The following SCAPER variants were observed in gnomAD, a reference collection of about 807,000 sequenced individuals.
SCAPER encodes the protein S-phase cyclin A associated protein in the ER, also known as S phase cyclin A-associated protein in the endoplasmic reticulum.
Under a neutral mutation model 182.2 loss-of-function variants are expected in SCAPER, and 98 were observed. The ratio of observed to expected loss-of-function variants is 0.54; its 90% confidence interval spans 0.46 to 0.64. SCAPER has a LOEUF of 0.64. Among genes scored for constraint, SCAPER ranks in the 30% least tolerant of loss-of-function variants. SCAPER has a pLI of 0.00. For missense variants in SCAPER, 1,432 were observed against 1,690.0 expected (o/e 0.85, Z 2.68); for synonymous variants, 605 against 564.6 (o/e 1.07, Z -1.01).
intron 5 of SCAPER, among the ~76,000 whole-genome samples, chr15:76,822,256 G>C (rs375494484): frequency 1.3e-5 from 2 of 152,126 alleles, no homozygotes; most frequent in African/African-American, 4.8e-5. Context: ...ATGCATGTAT[G>C]GGGGCAGGGG....
chr15:76,893,501 T>C (rs1361648628), intron 1 of SCAPER, among the ~76,000 whole-genome samples: 1 of 151,462 alleles, frequency 6.6e-6, no homozygotes, highest in Non-Finnish European at 1.5e-5. Context: ...CAACAAGGGA[T>C]AGATCATCCA....
intron 28 of SCAPER, 165 bp downstream of exon 28, chr15:76,381,213 C>T (rs775209618): frequency 2.4e-5 from 9 of 379,574 alleles, no homozygotes; most frequent in Non-Finnish European, 3.6e-5. Flanking sequence ...GCATCTAATA[C>T]AGTTCCCAGA....
At chr15:76,497,085 C>A (rs2143583583) in intron 24 of SCAPER, among the ~76,000 whole-genome samples, 1 of 133,658 alleles carries the variant, frequency 7.5e-6, no homozygotes, top group South Asian at 2.7e-4. Flanking sequence ...CCCCTTCTGT[C>A]CCATGAAGCA....
intron 21 of SCAPER, among the ~76,000 whole-genome samples, chr15:76,638,619 A>C (rs1455923952): frequency 1.3e-5 from 2 of 152,202 alleles, no homozygotes; most frequent in African/African-American, 4.8e-5. Context: ...ATTTTTCTTC[A>C]TAAATATTTT....
chr15:76,619,351 T>C (rs2051801814), intron 22 of SCAPER, among the ~76,000 whole-genome samples: 1 of 152,228 alleles, frequency 6.6e-6, no homozygotes, highest in Non-Finnish European at 1.5e-5. Context: ...ATTTGAGTTA[T>C]TTCCAGTTTG....
chr15:76,816,990 G>C (rs1483325051), intron 5 of SCAPER, among the ~76,000 whole-genome samples: 3 of 152,152 alleles, frequency 2.0e-5, no homozygotes, highest in African/African-American at 7.2e-5. Flanking sequence ...ATCAAGTACT[G>C]TGTACTGTAC....
chr15:76,720,437 T>A (rs947483475), intron 17 of SCAPER, among the ~76,000 whole-genome samples: 6 of 152,246 alleles, frequency 3.9e-5, no homozygotes, highest in African/African-American at 1.4e-4. Flanking sequence ...CCTTTGGGTA[T>A]ATACCCAGTA....
intron 25 of SCAPER, among the ~76,000 whole-genome samples, chr15:76,451,955 C>A (rs1192114383): frequency 6.6e-6 from 1 of 152,152 alleles, no homozygotes. Context: ...CTAATTTCTA[C>A]ACATACCCCC....
At chr15:76,549,686 T>C (rs1451424254) in intron 23 of SCAPER, among the ~76,000 whole-genome samples, 1 of 152,026 alleles carries the variant, frequency 6.6e-6, no homozygotes, top group Non-Finnish European at 1.5e-5. Flanking sequence ...ACATGGCACA[T>C]GTATGCATAC....
intron 1 of SCAPER, among the ~76,000 whole-genome samples, chr15:76,893,136 T>C (rs1337026333): frequency 6.6e-6 from 1 of 152,074 alleles, no homozygotes; most frequent in Non-Finnish European, 1.5e-5. Flanking sequence ...TGAGAACACT[T>C]GGACACAGGG....
chr15:76,756,690 T>C (rs2062455358), intron 14 of SCAPER, among the ~76,000 whole-genome samples: 1 of 152,220 alleles, frequency 6.6e-6, no homozygotes, highest in African/African-American at 2.4e-5. Flanking sequence ...TCATTTATAA[T>C]ACAGCATAGA....
At chr15:76,817,471 T>C (rs917744877) in intron 5 of SCAPER, among the ~76,000 whole-genome samples, 4 of 152,210 alleles carry the variant, frequency 2.6e-5, no homozygotes, top group Middle Eastern at 3.4e-3. Flanking sequence ...TCTAATTACG[T>C]AGGATGAACA....
At chr15:76,592,182 T>C (rs62030416) in intron 22 of SCAPER, among the ~76,000 whole-genome samples, 10,195 of 151,938 alleles carry the variant, frequency 0.067, 386 homozygotes, top group Middle Eastern at 0.11. Flanking sequence ...CATATAGGTA[T>C]ATAAAAATAG....
chr15:76,762,022 T>C (rs1271936962), intron 14 of SCAPER, among the ~76,000 whole-genome samples: 1 of 152,218 alleles, frequency 6.6e-6, no homozygotes, highest in African/African-American at 2.4e-5. Flanking sequence ...TCTTTTATCA[T>C]TATTTAATGG....
rs1272878026 is a variant in SCAPER at position 76,389,830 on chromosome 15, A to AG, written c.3468-8216_3468-8215insC. ...GACTCCGTCTCAAAAAAAAAAAAAA[A>AG]AAGAAGAAAAAGAACAGTAAAAATA... On this transcript the variant is annotated intron_variant, in intron 27 of 31. Coordinates refer to ENST00000563290, the MANE Select transcript of SCAPER (RefSeq NM_020843.4). Among the ~76,000 whole-genome samples, 41 of 151,762 alleles carry AG rather than the reference A, an allele frequency of 2.7e-4. No individual in the cohort carries two copies. The East Asian group carries it at 2.9e-3, about 11-fold the overall frequency.
rs1227413739 is a variant in SCAPER, at chr15:76,354,854, CT to C, written c.3856-715del. On this transcript the variant is annotated intron_variant, in intron 29 of 31. Transcript: ENST00000563290. This position sits in a 1 kb window ranked among gnomAD's most constrained non-coding sequence, Gnocchi z 4.4. ...ACGAATGGGCTTGCAGGGAAGCCCTCTTAATTTACTCCCTAGGCCTCCATGA... is the reference window on the plus strand; with the variant it reads ...ACGAATGGGCTTGCAGGGAAGCCCTCTAATTTACTCCCTAGGCCTCCATGA... Among the ~76,000 whole-genome samples the C allele has an allele frequency of 1.3e-5, 2 of 152,160 alleles. No individual in the cohort carries two copies. The highest frequency in any genetic ancestry group is 1.3e-4 in the Admixed American group (2 of 15,284).
intron 1 of SCAPER, chr15:76,904,930 C>G (rs538909245): frequency 6.6e-6 from 1 of 152,418 alleles, no homozygotes; most frequent in Non-Finnish European, 1.5e-5. Context: ...TCACCCGCGG[C>G]CGGGGCTGCC....
At chr15:76,408,690 C>A (rs2045046280) in intron 26 of SCAPER, among the ~76,000 whole-genome samples, 1 of 151,602 alleles carries the variant, frequency 6.6e-6, no homozygotes, top group Admixed American at 6.6e-5. Context: ...GACTGATGCT[C>A]AAGGAAGGCA....
chr15:76,644,445 G>A lies in SCAPER; in HGVS notation c.2645+21208C>T, dbSNP rs962931229. ...ATTTCTTACTTTTCATTTCTAACAT[G>A]ATAAATGTTAATAAATATACCCATA... On this transcript the variant is annotated intron_variant, in intron 21 of 31. Transcript: ENST00000563290. Among the ~76,000 whole-genome samples the A allele has an allele frequency of 1.2e-4, 19 of 152,038 alleles. 1 individual carries two copies. Among genetic ancestry groups the A allele is most frequent in the African/African-American group, 4.1e-4 (17 of 41,480 alleles).
Sources: gnomAD v4.1 joint callset for allele counts (sites outside exome capture counted in the v4.1 genomes callset) on GRCh38, gnomAD v4.1.1 for gene constraint, Gnocchi (gnomAD v3.1) non-coding constraint, MANE v1.5 for transcripts, NCBI Gene and HGNC (gene_info 2026-07-23, HGNC 2026-07-21) for gene names.